POLR3B: variants seen among roughly 807,000 people sequenced by gnomAD.
POLR3B encodes DNA-directed RNA polymerase III subunit RPC2.
Under a neutral mutation model 147.4 loss-of-function variants are expected in POLR3B, and 96 were observed. That is an observed-to-expected ratio of 0.65 (90% confidence interval 0.55 to 0.77). POLR3B has a LOEUF of 0.77. Among genes scored for constraint, POLR3B ranks in the 30% least tolerant of loss-of-function variants. POLR3B has a pLI of 0.00. For synonymous variants in POLR3B, 461 were observed against 485.9 expected, an observed-to-expected ratio of 0.95 and a Z score of 0.67; for missense variants, 1,036 against 1,413.5, an observed-to-expected ratio of 0.73 and a Z score of 4.28.
intron 10 of POLR3B, among the ~76,000 whole-genome samples, chr12:106,403,936 A>T (rs1025035806): frequency 6.6e-6 from 1 of 152,072 alleles, no homozygotes; most frequent in Non-Finnish European, 1.5e-5. Context: ...CATTGTGCAC[A>T]TGTACCCTAA....
At chr12:106,399,800 C>A (rs188095026) in intron 10 of POLR3B, among the ~76,000 whole-genome samples, 223 of 152,254 alleles carry the variant, frequency 1.5e-3, no homozygotes, top group African/African-American at 5.1e-3. Context: ...CACCACCAGG[C>A]CTGCCCTAAA....
intron 6 of POLR3B, among the ~76,000 whole-genome samples, chr12:106,373,850 GTTTATT>G (rs998002158): frequency 1.3e-5 from 2 of 152,040 alleles, no homozygotes; most frequent in African/African-American, 2.4e-5. Context: ...TGAGAATGTA[GTTTATT>G]TTTATTTGTT....
Position 106,496,404 on chromosome 12 carries a change from C to T in POLR3B, c.2817+246C>T, listed in dbSNP as rs544540786. On this transcript the variant is annotated intron_variant, in intron 24 of 27. Transcript: ENST00000228347. ...GGAGTCTTCTGAGTGATGAATTTAC[C>T]CCTCAGCAAAAGAGAATCCCTTGTC... The T allele has an allele frequency of 1.1e-5, 7 of 616,574 alleles. No homozygotes were observed. The East Asian group carries it at 1.9e-4, about 17-fold the overall frequency. 38.2% of individuals were successfully genotyped at this position (616,574 alleles called of 1,614,324 possible).
chr12:106,368,949 T>C (rs1177323178), intron 4 of POLR3B, among the ~76,000 whole-genome samples: 1 of 152,158 alleles, frequency 6.6e-6, no homozygotes. Flanking sequence ...TGGCCTCTTC[T>C]TTCTTTTGCA....
intron 10 of POLR3B, among the ~76,000 whole-genome samples, chr12:106,400,382 A>G (rs2037045135): frequency 6.6e-6 from 1 of 152,172 alleles, no homozygotes. Context: ...CACAATAATA[A>G]TGGGAGACTT....
chr12:106,477,238 G>C (rs1435845843), intron 23 of POLR3B, among the ~76,000 whole-genome samples: 1 of 99,204 alleles, frequency 1.0e-5, no homozygotes, highest in African/African-American at 6.1e-5. Flanking sequence ...CAGATCTCAA[G>C]CTGCGTGCTG....
In POLR3B at chr12:106,393,164, T is replaced by C; in HGVS notation, c.846+11T>C. On this transcript the variant is annotated intron_variant, in intron 10 of 27. Transcript: ENST00000228347. ...TTCACACAGATGCAGGTGTGTCTTT[T>C]CATGTTGTCCTTTGCTATGAAATGG... The C allele has an allele frequency of 6.2e-7, 1 of 1,614,116 alleles. No individual in the cohort carries two copies. Among genetic ancestry groups the C allele is most frequent in the Non-Finnish European group, 8.5e-7 (1 of 1,179,984 alleles).
At chr12:106,400,972 T>A (rs1281765535) in intron 10 of POLR3B, among the ~76,000 whole-genome samples, 4 of 152,140 alleles carry the variant, frequency 2.6e-5, no homozygotes, top group East Asian at 3.9e-4. Context: ...ATATAACTAA[T>A]ATCAGAGCAG....
At chr12:106,472,247 T>G (rs1426212475) in intron 23 of POLR3B, among the ~76,000 whole-genome samples, 3 of 149,778 alleles carry the variant, frequency 2.0e-5, no homozygotes, top group African/African-American at 7.4e-5. Flanking sequence ...CACATTTTCT[T>G]AATCCAGTCT....
intron 22 of POLR3B, among the ~76,000 whole-genome samples, chr12:106,460,614 C>T (rs1450027080): frequency 6.6e-6 from 1 of 152,208 alleles, no homozygotes; most frequent in Non-Finnish European, 1.5e-5. Flanking sequence ...CTGACTTCTA[C>T]AGTATGAAAA....
intron 9 of POLR3B, among the ~76,000 whole-genome samples, chr12:106,388,182 C>T (rs2036866012): frequency 6.6e-6 from 1 of 152,094 alleles, no homozygotes; most frequent in Non-Finnish European, 1.5e-5. Context: ...ATGAATCTTC[C>T]CCACTTTACA....
intron 23 of POLR3B, among the ~76,000 whole-genome samples, chr12:106,468,926 G>A (rs1232578753): frequency 6.6e-6 from 1 of 152,140 alleles, no homozygotes; most frequent in African/African-American, 2.4e-5. Flanking sequence ...TGTTGATTTG[G>A]GGTGGAGAGT....
intron 23 of POLR3B, among the ~76,000 whole-genome samples, chr12:106,494,521 A>G (rs954125626): frequency 6.6e-6 from 1 of 152,154 alleles, no homozygotes; most frequent in Admixed American, 6.5e-5. Flanking sequence ...GCCATTTTTA[A>G]CATTTTGTTC....
rs181538784 is a variant in POLR3B, at chr12:106,400,795, A to G, written c.847-5062A>G. Among the ~76,000 whole-genome samples the G allele has an allele frequency of 4.7e-3, 714 of 152,340 alleles. 2 individuals are homozygous for G. Among genetic ancestry groups the G allele is most frequent in the Non-Finnish European group, 7.2e-3 (490 of 68,026 alleles). Reference sequence around the variant, plus strand: ...AAACCAATGAGAACAAAGACACAACATACCAGAATCTCTGGGACACATTCA... The same window carrying G: ...AAACCAATGAGAACAAAGACACAACGTACCAGAATCTCTGGGACACATTCA... On this transcript the variant is annotated intron_variant, in intron 10 of 27. Coordinates refer to ENST00000228347, the MANE Select transcript of POLR3B (RefSeq NM_018082.6).
chr12:106,442,384 A>AG (rs1364402376), intron 18 of POLR3B, among the ~76,000 whole-genome samples: 1 of 152,214 alleles, frequency 6.6e-6, no homozygotes, highest in East Asian at 1.9e-4. Context: ...TTTAAAAGAA[A>AG]ATCTGTTTTC....
rs754450206 is a variant in POLR3B, at chr12:106,454,638, A to G, written c.2220A>G (p.Thr740=). The change falls in exon 20 of 28, where the codon ACA becomes ACG. Residue 740 remains threonine (T), a synonymous_variant. Transcript: ENST00000228347. Reference sequence around the variant, plus strand: ...AACTGCCAGCTGGACAGAATGCAACAGTTGCTGTGATGAGCTATAGTGGCT... The same window carrying G: ...AACTGCCAGCTGGACAGAATGCAACGGTTGCTGTGATGAGCTATAGTGGCT... ...FEKLPAGQNA[T]VAVMSYSGYD... 3.4e-5 allele frequency: 55 copies of G among 1,612,230 alleles called. 2 individuals are homozygous for G. The South Asian group carries it at 5.7e-4, about 17-fold the overall frequency.
At chr12:106,496,194 T>C (rs2038482076) in intron 24 of POLR3B, 36 bp downstream of exon 24, 1 of 1,245,276 alleles carries the variant, frequency 8.0e-7, no homozygotes, top group Admixed American at 1.7e-5. Context: ...GGCATTGCCT[T>C]TAAGGAAGAA....
At chr12:106,381,019 T>C (rs2136902912) in intron 9 of POLR3B, among the ~76,000 whole-genome samples, 1 of 152,370 alleles carries the variant, frequency 6.6e-6, no homozygotes, top group East Asian at 1.9e-4. Context: ...ATAAAAAATA[T>C]ATGCCTCAAT....
At chr12:106,477,570 A>G (rs2038192057) in intron 23 of POLR3B, among the ~76,000 whole-genome samples, 1 of 151,570 alleles carries the variant, frequency 6.6e-6, no homozygotes, top group African/African-American at 2.4e-5. Flanking sequence ...CTCGTGGTGC[A>G]CCGTTTTTTA....
Sources: allele counts gnomAD v4.1 joint callset (sites outside exome capture counted in the v4.1 genomes callset), GRCh38; gene constraint gnomAD v4.1.1; transcripts MANE v1.5; gene names NCBI Gene and HGNC (gene_info 2026-07-23, HGNC 2026-07-21).